OTUD3: variants seen among roughly 807,000 people sequenced by gnomAD.
OTUD3 encodes the protein OTU deubiquitinase 3, also known as OTU domain-containing protein 3.
Under a neutral mutation model 46.2 loss-of-function variants are expected in OTUD3, and 24 were observed. The observed-to-expected ratio is 0.52, with a 90% CI of 0.38 to 0.73. The LOEUF (loss-of-function observed/expected upper bound fraction) is 0.73, where lower values mean the gene tolerates loss of function less well. Ranked by LOEUF, OTUD3 falls within the 30% of genes least tolerant of loss-of-function variation. The probability of loss-of-function intolerance (pLI) is 0.00; values close to 1 mark genes in which losing one functional copy is unlikely to be tolerated. For synonymous variants in OTUD3, 189 were observed against 195.4 expected (o/e 0.97, Z 0.27); for missense variants, 455 against 523.3 (o/e 0.87, Z 1.27).
At chr1:19,893,780 A>C (rs927373082) in intron 2 of OTUD3, among the ~76,000 whole-genome samples, 11 of 152,226 alleles carry the variant, frequency 7.2e-5, no homozygotes, top group Non-Finnish European at 1.6e-4. Flanking sequence ...CCCTTCCTGA[A>C]GTACTTGTGC....
chr1:19,907,506 T>A (rs1571186638), intron 7 of OTUD3, 64 bp from the exon 8 acceptor site: 1 of 1,514,606 alleles, frequency 6.6e-7, no homozygotes, highest in East Asian at 2.3e-5. Flanking sequence ...ACCATCTCCC[T>A]TCTAGCAGGT....
chr1:19,900,158 AG>A (rs377250988), intron 4 of OTUD3, among the ~76,000 whole-genome samples: 4 of 152,342 alleles, frequency 2.6e-5, no homozygotes, highest in African/African-American at 9.6e-5. Flanking sequence ...GAGGTTAAAA[AG>A]AATTCTCCCA....
chr1:19,894,391 A>G lies in OTUD3; in HGVS notation c.394A>G (p.Thr132Ala). Residue 132 changes from threonine to alanine, a missense_variant, in exon 3 of 8, where the codon ACT becomes GCT. Coordinates refer to ENST00000375120, the MANE Select transcript of OTUD3 (RefSeq NM_015207.2). Reference protein sequence around the residue: ...KHVASLAKPGTFAGNDAIVAF... With the variant: ...KHVASLAKPGAFAGNDAIVAF... ...AGTGGCCAGTTTGGCAAAGCCTGGT[A>G]CTTTTGCTGGCAATGATGCAATTGT... 2 of 1,608,938 alleles carry G rather than the reference A, an allele frequency of 1.2e-6. No individual in the cohort carries two copies. Among genetic ancestry groups the G allele is most frequent in the Non-Finnish European group, 1.7e-6 (2 of 1,177,252 alleles).
chr1:19,882,426 G>T lies in OTUD3; in HGVS notation c.-88G>T, dbSNP rs996702671. ...TAGTCGTCGCCGGGCTCCGTTGCCC[G>T]CGCTGTTTTACCTTCCCAACGCTTG... On this transcript the variant is annotated 5_prime_UTR_variant, in exon 1 of 8. Coordinates refer to ENST00000375120, the MANE Select transcript of OTUD3 (RefSeq NM_015207.2). 2 of 1,300,104 alleles carry T rather than the reference G, an allele frequency of 1.5e-6. No individual in the cohort carries two copies. The allele number at this position is 1,300,104 out of a possible 1,614,324, so 80.5% of individuals were successfully genotyped here.
rs748794465 is a variant in OTUD3, at chr1:19,897,605, C to T, written c.549C>T (p.Tyr183=). ...TCGCATATCGGTATGGAGAGCACTA[C>T]GACAGTGTTCGGAGGATCAATGACA... is the stretch of plus-strand genomic sequence containing the variant. ...LHIAYRYGEH[Y]DSVRRINDNS... The change falls in exon 4 of 8, where the codon TAC becomes TAT. Residue 183 remains tyrosine, a synonymous_variant. Transcript: ENST00000375120. 27 of 1,613,806 alleles carry T rather than the reference C, an allele frequency of 1.7e-5. No individual in the cohort carries two copies. The highest frequency in any genetic ancestry group is 5.5e-5 in the South Asian group (5 of 91,084).
In OTUD3 at chr1:19,895,398, G is replaced by A. The variant is rs573707677; in HGVS notation, c.483+918G>A. Among the ~76,000 whole-genome samples the A allele has an allele frequency of 2.4e-4, 37 of 152,232 alleles. 1 individual carries two copies. The South Asian group carries it at 7.2e-3, about 30-fold the overall frequency. On this transcript the variant is annotated intron_variant, in intron 3 of 7. Transcript: ENST00000375120. ...TATCAACACAGACTAGTCTACTCTC[G>A]AAAAAGTTACTTCCAGGCTCTTTGT...
rs1182024891 is a variant in OTUD3, at chr1:19,909,705, T to C, written c.*1959T>C. On this transcript the variant is annotated 3_prime_UTR_variant, in exon 8 of 8. Transcript: ENST00000375120. ...TAGCAGTCAGCTTAAGAGAGACTTA[T>C]TGTCAGAAGTAGTAGAATTGCTTTA... The C allele has an allele frequency of 5.2e-5, 8 of 152,472 alleles. No homozygotes were observed. Among genetic ancestry groups the C allele is most frequent in the African/African-American group, 1.4e-4 (6 of 41,570 alleles). 9.4% of individuals were successfully genotyped at this position (152,472 alleles called of 1,614,324 possible). A position where few individuals can be genotyped will look rare whatever the true frequency, so the allele number is the denominator to read the frequency against.
chr1:19,907,469 G>C (rs1468370148), intron 7 of OTUD3, 101 bp from the exon 8 acceptor site: 2 of 1,114,390 alleles, frequency 1.8e-6, no homozygotes, highest in Non-Finnish European at 2.6e-6. Flanking sequence ...CCCTGTTCCT[G>C]CTGAAAAGCA....
chr1:19,882,818 C>A, intron 1 of OTUD3, 84 bp downstream of exon 1: 3 of 1,186,014 alleles, frequency 2.5e-6, no homozygotes, highest in Admixed American at 4.3e-5. Context: ...CGCGTCCATC[C>A]ATCCATTCAT....
chr1:19,884,599 G>GTATT (rs1392767957), intron 1 of OTUD3, among the ~76,000 whole-genome samples: 1 of 150,900 alleles, frequency 6.6e-6, no homozygotes, highest in Admixed American at 6.6e-5. Context: ...ATAGCTATGA[G>GTATT]TATTTACTGT....
At chr1:19,904,481 T>C in intron 5 of OTUD3, 83 bp downstream of exon 5, 1 of 1,336,442 alleles carries the variant, frequency 7.5e-7, no homozygotes, top group Non-Finnish European at 1.0e-6. Flanking sequence ...AGCACCTCTC[T>C]AGCATATCAG....
chr1:19,899,131 C>A (rs949193606), intron 4 of OTUD3, among the ~76,000 whole-genome samples: 6 of 152,068 alleles, frequency 3.9e-5, no homozygotes, highest in Non-Finnish European at 8.8e-5. Flanking sequence ...TTGAATAGGT[C>A]ATATTTGTCC....
rs775608626 is a variant in OTUD3, at chr1:19,906,465, T to A, written c.869T>A (p.Val290Glu). The A allele has an allele frequency of 3.0e-5, 48 of 1,613,878 alleles. No individual in the cohort carries two copies. The highest frequency in any genetic ancestry group is 3.9e-5 in the Non-Finnish European group (46 of 1,179,944). ...GAGAATCTTGAGCCCAGTGGTCGAG[T>A]GCTGAAGCAGTGTGGCCCTTTGTGG... Reference protein sequence around the residue: ...AEENLEPSGRVLKQCGPLWEE... With the variant: ...AEENLEPSGRELKQCGPLWEE... Residue 290 changes from valine (V) to glutamate (E), a missense_variant, in exon 7 of 8, where the codon GTG (valine) becomes GAG (glutamate). Val to Glu is a moderately radical substitution (Grantham distance 121, BLOSUM62 -2). Coordinates refer to ENST00000375120, the MANE Select transcript of OTUD3 (RefSeq NM_015207.2).
chr1:19,890,636 T>C, intron 2 of OTUD3, 103 bp downstream of exon 2: 1 of 997,674 alleles, frequency 1.0e-6, no homozygotes, highest in South Asian at 1.4e-5. Context: ...GTTATATAAA[T>C]CACGACATTC....
chr1:19,903,345 C>A (rs972604336), intron 4 of OTUD3, among the ~76,000 whole-genome samples: 2 of 152,110 alleles, frequency 1.3e-5, no homozygotes, highest in African/African-American at 4.8e-5. Context: ...AGCCACTGCA[C>A]CAGGCCCATA....
intron 1 of OTUD3, 118 bp from the exon 2 acceptor site, chr1:19,890,265 TGA>T: frequency 1.1e-6 from 1 of 947,528 alleles, no homozygotes; most frequent in South Asian, 1.5e-5. Context: ...CTATTAGAGT[TGA>T]GTCTTTACCT....
chr1:19,902,716 T>G (rs1049627460), intron 4 of OTUD3, among the ~76,000 whole-genome samples: 4 of 152,184 alleles, frequency 2.6e-5, no homozygotes, highest in Non-Finnish European at 5.9e-5. Flanking sequence ...TTGCTGTAAT[T>G]TTTTTGGTTT....
intron 2 of OTUD3, among the ~76,000 whole-genome samples, chr1:19,890,835 C>G (rs1336342689): frequency 6.6e-6 from 1 of 152,042 alleles, no homozygotes; most frequent in Non-Finnish European, 1.5e-5. Flanking sequence ...ATAGGTTGAT[C>G]CTATTTTTAA....
At chr1:19,882,859 G>A in intron 1 of OTUD3, 125 bp downstream of exon 1, 1 of 862,542 alleles carries the variant, frequency 1.2e-6, no homozygotes, top group Non-Finnish European at 1.6e-6. Context: ...CCGCGAGCCA[G>A]CCACGCTCCG....
Sources: allele counts gnomAD v4.1 joint callset (sites outside exome capture counted in the v4.1 genomes callset), GRCh38; gene constraint gnomAD v4.1.1; transcripts MANE v1.5; gene names NCBI Gene and HGNC (gene_info 2026-07-23, HGNC 2026-07-21).